Variants in MUC3A observed in about 807,000 individuals in gnomAD.
The protein encoded by MUC3A is mucin 3A, cell surface associated.
Under a neutral mutation model 109.0 loss-of-function variants are expected in MUC3A, and 109 were observed. The observed-to-expected ratio is 1.00, with a 90% CI of 0.86 to 1.17. MUC3A has a LOEUF of 1.17. MUC3A is among the 50% of genes most tolerant of loss of function. The pLI, the probability that MUC3A is intolerant of heterozygous loss-of-function variation, is 0.00. For missense variants in MUC3A, 3,537 were observed against 2,469.4 expected (o/e 1.43, Z -9.16); for synonymous variants, 1,398 against 981.4 (o/e 1.42, Z -7.93).
chr7:100,960,357 G>A lies in MUC3A; in HGVS notation c.8578G>A (p.Val2860Ile), dbSNP rs746061131. ...CACTGGGACTGTACCCACAAACACA[G>A]TTTTCACAAGTACTCGACTGCCCAC... ...TGTGTVPTNT[V>I]FTSTRLPTSE... The change falls in exon 2 of 12, where the codon GTT (valine) becomes ATT (isoleucine). Residue 2860 changes from valine to isoleucine, a missense_variant. Val to Ile is a conservative substitution (Grantham distance 29). Transcript: ENST00000379458. 3 of 1,598,430 alleles carry A rather than the reference G, an allele frequency of 1.9e-6. No homozygotes were observed. In the Admixed American group the frequency reaches 5.0e-5, roughly 27 times the overall value.
In MUC3A at chr7:100,960,429, C is replaced by T. The variant is rs772692771; in HGVS notation, c.8650C>T (p.Pro2884Ser). 3.6e-5 allele frequency: 57 copies of T among 1,598,374 alleles called. No individual in the cohort carries two copies. The highest frequency in any genetic ancestry group is 4.6e-5 in the Non-Finnish European group (54 of 1,179,736). Residue 2884 changes from proline to serine, a missense_variant, in exon 2 of 12, where the codon CCT becomes TCT. Pro to Ser is a moderately conservative substitution (Grantham distance 74). Coordinates refer to ENST00000379458, the MANE Select transcript of MUC3A (RefSeq NM_005960.2). ...SNSSVIPLPL[P>S]GVSTIPLTMK... ...CAGTTCTGTGATCCCCCTACCTCTT[C>T]CTGGCGTCTCTACCATCCCGCTCAC...
intron 3 of MUC3A, 104 bp downstream of exon 3, chr7:100,961,041 GC>G: frequency 1.3e-6 from 2 of 1,570,302 alleles, no homozygotes; most frequent in Non-Finnish European, 1.7e-6. Flanking sequence ...ATGCCTTTTT[GC>G]CCGGTCCTTC....
intron 7 of MUC3A, 90 bp from the exon 8 acceptor site, chr7:100,965,614 C>T (rs1343539308): frequency 1.0e-5 from 16 of 1,532,826 alleles, no homozygotes; most frequent in Non-Finnish European, 1.4e-5. Flanking sequence ...ATGGAATCCT[C>T]CTCGCGCATA....
chr7:100,959,018 C>T lies in MUC3A; in HGVS notation c.7239C>T (p.Ile2413=), dbSNP rs753838319. Residue 2413 remains isoleucine (I), a synonymous_variant, in exon 2 of 12, where the codon ATC becomes ATT. Transcript: ENST00000379458. ...SHITPGLTSS[I]TTTETTSHST... is the part of the protein sequence containing the mutation. ...TTACTCCTGGCCTCACTTCTTCAAT[C>T]ACCACCACTGAGACTACCTCACACA... 1.4e-6 allele frequency: 2 copies of T among 1,468,152 alleles called. No individual in the cohort carries two copies. Among genetic ancestry groups the T allele is most frequent in the African/African-American group, 2.0e-5 (1 of 48,838 alleles). 90.9% of individuals were successfully genotyped at this position (1,468,152 alleles called of 1,614,324 possible).
In MUC3A at chr7:100,966,306, C is replaced by G. The variant is rs1041195015; in HGVS notation, c.9612-80C>G. 4 of 1,179,082 alleles carry G rather than the reference C, an allele frequency of 3.4e-6. No individual in the cohort carries two copies. The African/African-American group carries it at 9.0e-5, about 26-fold the overall frequency. The allele number at this position is 1,179,082 out of a possible 1,614,324, so 73.0% of individuals were successfully genotyped here. On this transcript the variant is annotated intron_variant, in intron 8 of 11. Transcript: ENST00000379458. ...CCTAGGCTGGAGCCCCGCCCCCTCA[C>G]CCGCCCCCGCGGGGCCCAGGTGCAC...
At position 100,952,232 on chromosome 7, in the gene MUC3A, G is replaced by A. The variant is rs1791968992; in HGVS notation, c.453G>A (p.Val151=). The change falls in exon 2 of 12, where the codon GTG becomes GTA. Residue 151 remains valine (V), a synonymous_variant. Coordinates refer to ENST00000379458, the MANE Select transcript of MUC3A (RefSeq NM_005960.2). The part of the protein sequence containing the change: ...PTSICVTTTQ[V]AFTSSYTSTP... ...CCATCTGTGTGACCACGACGCAGGT[G>A]GCCTTCACCAGCTCTTACACCTCGA... 1 of 1,598,430 alleles carries A rather than the reference G, an allele frequency of 6.3e-7. No homozygotes were observed. The highest frequency in any genetic ancestry group is 1.3e-5 in the African/African-American group (1 of 74,956).
intron 7 of MUC3A, 156 bp from the exon 8 acceptor site, chr7:100,965,547 CG>C (rs1554460733): frequency 1.4e-6 from 2 of 1,408,540 alleles, no homozygotes; most frequent in Non-Finnish European, 1.9e-6. Context: ...GAGGGTGCTG[CG>C]GGTGGCCTCC....
chr7:100,960,220 C>T lies in MUC3A; in HGVS notation c.8441C>T (p.Thr2814Ile). ...TTTCCCTTTACTACCGAAATGGTCA[C>T]CTGTCCTACCTCCATCAGTATCCAA... is the stretch of plus-strand genomic sequence containing the variant. ...TVFPFTTEMV[T>I]CPTSISIQTT... Residue 2814 changes from threonine to isoleucine, a missense_variant, in exon 2 of 12, where the codon ACC (threonine) becomes ATC (isoleucine). Transcript: ENST00000379458. The T allele has an allele frequency of 1.3e-6, 2 of 1,596,654 alleles. No individual in the cohort carries two copies. Among genetic ancestry groups the T allele is most frequent in the Non-Finnish European group, 8.5e-7 (1 of 1,178,326 alleles).
rs776055728 is a variant in MUC3A, at chr7:100,965,364, G to A, written c.9448+17G>A. ...CCCCGGCAGGTAAGGGTGGGGTAAAGGGCTGAGTGGTCTCCCGCGGCTATG... is the reference window on the plus strand; with the variant it reads ...CCCCGGCAGGTAAGGGTGGGGTAAAAGGCTGAGTGGTCTCCCGCGGCTATG... On this transcript the variant is annotated intron_variant, in intron 7 of 11. Transcript: ENST00000379458. 6.3e-7 allele frequency: 1 copy of A among 1,596,024 alleles called. No homozygotes were observed. Among genetic ancestry groups the A allele is most frequent in the Admixed American group, 1.7e-5 (1 of 59,462 alleles).
intron 1 of MUC3A, among the ~76,000 whole-genome samples, chr7:100,950,277 T>A (rs1237042862): frequency 6.6e-6 from 1 of 152,428 alleles, no homozygotes; most frequent in African/African-American, 2.4e-5. Flanking sequence ...AGGGAGCTCC[T>A]GATGTCCACT....
chr7:100,958,169 GA>G lies in MUC3A; in HGVS notation c.6391del (p.Ile2131SerfsTer34). The G allele has an allele frequency of 1.6e-6, 1 of 628,202 alleles. No homozygotes were observed. The highest frequency in any genetic ancestry group is 2.1e-6 in the Non-Finnish European group (1 of 473,220). 38.9% of individuals were successfully genotyped at this position (628,202 alleles called of 1,614,324 possible). On this transcript the variant is annotated frameshift_variant, in exon 2 of 12. Coordinates refer to ENST00000379458, the MANE Select transcript of MUC3A (RefSeq NM_005960.2). LOFTEE classifies it high-confidence loss of function. ...SHSTPSFTSS[I>X]TTTENATHST... ...ACAGTACTCCCAGCTTCACTTCTTC[GA>G]TCACCACCACTGAGAACGCCACACA...
chr7:100,961,352 A>AT (rs1261822130), intron 3 of MUC3A, among the ~76,000 whole-genome samples: 2 of 31,544 alleles, frequency 6.3e-5, no homozygotes. Flanking sequence ...GGAAGAATCC[A>AT]TTTTTTTGCC....
rs752363352 is a variant in MUC3A at position 100,964,779 on chromosome 7, G to A, written c.9318G>A (p.Lys3106=). ...TGGAGAGCGAGTATGAGCAGGTGAA[G>A]ACCACGCTGAAGGAGGGGCTGCAGA... The part of the protein sequence containing the change: ...PQLESEYEQV[K]TTLKEGLQNA... Residue 3106 remains lysine (K), a synonymous_variant, in exon 6 of 12, where the codon AAG becomes AAA. Coordinates refer to ENST00000379458, the MANE Select transcript of MUC3A (RefSeq NM_005960.2). The A allele has an allele frequency of 1.3e-6, 2 of 1,598,470 alleles. No homozygotes were observed. Among genetic ancestry groups the A allele is most frequent in the South Asian group, 1.1e-5 (1 of 91,088 alleles).
In MUC3A at chr7:100,959,282, T is replaced by C. The variant is rs1792229351; in HGVS notation, c.7503T>C (p.Thr2501=). ...CCCCTTCGTCTGTGGGCACCAGCAC[T>C]TCATTGACTACAACCACAGACTTTC... ...TLTPSSVGTS[T]SLTTTTDFPS... The change falls in exon 2 of 12, where the codon ACT becomes ACC. Residue 2501 remains threonine (T), a synonymous_variant. Coordinates refer to ENST00000379458, the MANE Select transcript of MUC3A (RefSeq NM_005960.2). 2 of 1,589,804 alleles carry C rather than the reference T, an allele frequency of 1.3e-6. No individual in the cohort carries two copies. Among genetic ancestry groups the C allele is most frequent in the Non-Finnish European group, 1.7e-6 (2 of 1,174,750 alleles).
intron 8 of MUC3A, 153 bp from the exon 9 acceptor site, chr7:100,966,233 T>C (rs1333262536): frequency 1.2e-6 from 1 of 861,590 alleles, no homozygotes; most frequent in Non-Finnish European, 1.5e-6. Context: ...GGCCCCTCGT[T>C]CTAGGGTGGA....
Position 100,960,581 on chromosome 7 carries a change from A to G in MUC3A, c.8802A>G (p.Thr2934=), listed in dbSNP as rs749607310. The G allele has an allele frequency of 8.3e-6, 13 of 1,562,214 alleles. No individual in the cohort carries two copies. The highest frequency in any genetic ancestry group is 1.7e-5 in the Admixed American group (1 of 58,662). Reference sequence around the variant, plus strand: ...CTACCCAGACTCCTACCACCCTTACATCACGCAGGACAACTCGCATCACTT... The same window carrying G: ...CTACCCAGACTCCTACCACCCTTACGTCACGCAGGACAACTCGCATCACTT... ...VATTQTPTTL[T]SRRTTRITSQ... The change falls in exon 2 of 12, where the codon ACA becomes ACG. Residue 2934 remains threonine, a synonymous_variant. Coordinates refer to ENST00000379458, the MANE Select transcript of MUC3A (RefSeq NM_005960.2).
Position 100,952,087 on chromosome 7 carries a change from C to T in MUC3A, c.308C>T (p.Thr103Ile), listed in dbSNP as rs747109599. Residue 103 changes from threonine (T) to isoleucine (I), a missense_variant, in exon 2 of 12, where the codon ACC (threonine) becomes ATC (isoleucine). Physicochemically the swap from Thr to Ile is moderately conservative, Grantham distance 89 (BLOSUM62 -1). Coordinates refer to ENST00000379458, the MANE Select transcript of MUC3A (RefSeq NM_005960.2). Reference sequence around the variant, plus strand: ...CCAGTCAGTTCCAACACCTCAACCACCCCGACGTCCAAGTTTGCCTTCAAG... The same window carrying T: ...CCAGTCAGTTCCAACACCTCAACCATCCCGACGTCCAAGTTTGCCTTCAAG... The part of the protein sequence containing the change: ...NSPVSSNTST[T>I]PTSKFAFKVE... 6.9e-6 allele frequency: 11 copies of T among 1,598,506 alleles called. No homozygotes were observed. The highest frequency in any genetic ancestry group is 1.3e-5 in the African/African-American group (1 of 74,956).
In MUC3A at chr7:100,952,402, T is replaced by C. The variant is rs758580190; in HGVS notation, c.623T>C (p.Val208Ala). Reference protein sequence around the residue: ...TPIVTVTPSSVSATDTTFHTT... With the variant: ...TPIVTVTPSSASATDTTFHTT... ...ATAGTGACAGTGACACCCTCCTCTG[T>C]GTCAGCCACAGACACAACCTTCCAC... Residue 208 changes from valine to alanine, a missense_variant, in exon 2 of 12, where the codon GTG (valine) becomes GCG (alanine). Physicochemically the swap from Val to Ala is moderately conservative, Grantham distance 64. Coordinates refer to ENST00000379458, the MANE Select transcript of MUC3A (RefSeq NM_005960.2). The C allele has an allele frequency of 6.3e-6, 10 of 1,597,748 alleles. No homozygotes were observed. The highest frequency in any genetic ancestry group is 1.7e-4 in the Middle Eastern group (1 of 6,058).
intron 8 of MUC3A, 150 bp downstream of exon 8, chr7:100,966,016 C>G (rs1792528524): frequency 7.7e-7 from 1 of 1,307,090 alleles, no homozygotes; most frequent in Non-Finnish European, 1.0e-6. Context: ...CCCCGTTGCC[C>G]TACAGTGGAG....
Sources: allele counts gnomAD v4.1 joint callset (sites outside exome capture counted in the v4.1 genomes callset), GRCh38; gene constraint gnomAD v4.1.1; transcripts MANE v1.5; gene names NCBI Gene and HGNC (gene_info 2026-07-23, HGNC 2026-07-21).